The following KCNMA1 variants were observed in gnomAD, a reference collection of about 807,000 sequenced individuals.
The protein encoded by KCNMA1 is Calcium-activated potassium channel subunit alpha-1.
KCNMA1 carries 29 observed loss-of-function variants against 140.0 expected under a neutral mutation model. The ratio of observed to expected loss-of-function variants is 0.21; its 90% confidence interval spans 0.15 to 0.28. The LOEUF (loss-of-function observed/expected upper bound fraction) is 0.28, where lower values mean the gene tolerates loss of function less well. Among genes scored for constraint, KCNMA1 ranks in the 10% least tolerant of loss-of-function variants. The pLI, the probability that KCNMA1 is intolerant of heterozygous loss-of-function variation, is 1.00. For synonymous variants in KCNMA1, 612 were observed against 611.9 expected (o/e 1.00, Z 0.00); for missense variants, 880 against 1,602.2 (o/e 0.55, Z 7.70).
intron 1 of KCNMA1, among the ~76,000 whole-genome samples, chr10:77,419,540 C>T (rs888076612): frequency 2.6e-5 from 4 of 152,094 alleles, no homozygotes; most frequent in African/African-American, 4.8e-5. Flanking sequence ...AAAGGTGAGA[C>T]GCCAGCCAAG....
At chr10:76,982,606 G>A (rs1325382971) in intron 19 of KCNMA1, among the ~76,000 whole-genome samples, 1 of 152,106 alleles carries the variant, frequency 6.6e-6, no homozygotes, top group Non-Finnish European at 1.5e-5. Flanking sequence ...GTGTTTGAGG[G>A]CACAGTTGGA....
intron 2 of KCNMA1, among the ~76,000 whole-genome samples, chr10:77,295,902 T>C (rs1016259217): frequency 6.7e-6 from 1 of 149,612 alleles, no homozygotes; most frequent in Non-Finnish European, 1.5e-5. Flanking sequence ...TCAAACAAAT[T>C]AACTTTTTTT....
intron 20 of KCNMA1, among the ~76,000 whole-genome samples, chr10:76,969,582 C>T (rs1229082838): frequency 2.0e-5 from 3 of 152,158 alleles, no homozygotes; most frequent in Non-Finnish European, 4.4e-5. Flanking sequence ...AAACAGTCCT[C>T]GGAGGGACTC....
At chr10:77,305,222 G>A (rs2077408984) in intron 2 of KCNMA1, among the ~76,000 whole-genome samples, 1 of 152,126 alleles carries the variant, frequency 6.6e-6, no homozygotes, top group African/African-American at 2.4e-5. Context: ...TTGGGACCAG[G>A]TGCCCTGACT....
At chr10:77,371,521 C>T (rs758705573) in intron 2 of KCNMA1, among the ~76,000 whole-genome samples, 1 of 152,178 alleles carries the variant, frequency 6.6e-6, no homozygotes, top group Admixed American at 6.5e-5. Flanking sequence ...GATTTCACAA[C>T]AATGCAGATT....
At chr10:77,434,507 C>G (rs766026969) in intron 1 of KCNMA1, among the ~76,000 whole-genome samples, 1 of 152,156 alleles carries the variant, frequency 6.6e-6, no homozygotes, top group Non-Finnish European at 1.5e-5. Context: ...CCCCTATTAG[C>G]GTGATGCATG....
chr10:77,211,965 C>T (rs549940143), intron 3 of KCNMA1, among the ~76,000 whole-genome samples: 23 of 152,224 alleles, frequency 1.5e-4, no homozygotes, highest in African/African-American at 2.6e-4. Context: ...GGCAAGGCTG[C>T]GGAGAAAAGG....
intron 1 of KCNMA1, among the ~76,000 whole-genome samples, chr10:77,563,920 G>A (rs1447165469): frequency 3.9e-5 from 6 of 152,212 alleles, no homozygotes; most frequent in African/African-American, 1.4e-4. Flanking sequence ...GCAGACTGGG[G>A]CTTATCACAT....
intron 14 of KCNMA1, among the ~76,000 whole-genome samples, chr10:77,071,868 C>A (rs777679712): frequency 6.6e-6 from 1 of 152,158 alleles, no homozygotes; most frequent in African/African-American, 2.4e-5. Flanking sequence ...TTGGCAGGTA[C>A]GAAGGATAAG....
At chr10:77,604,346 G>A (rs2083645805) in intron 1 of KCNMA1, among the ~76,000 whole-genome samples, 1 of 152,132 alleles carries the variant, frequency 6.6e-6, no homozygotes, top group Non-Finnish European at 1.5e-5. Flanking sequence ...AACAGAAACT[G>A]AAAGAGAAGA....
chr10:77,165,322 C>T (rs1395667388), intron 5 of KCNMA1, among the ~76,000 whole-genome samples: 1 of 152,204 alleles, frequency 6.6e-6, no homozygotes, highest in Non-Finnish European at 1.5e-5. Context: ...TCAGTTCTGA[C>T]ACATTGAAGT....
At chr10:77,335,115 T>C (rs2088353621) in intron 2 of KCNMA1, among the ~76,000 whole-genome samples, 1 of 152,100 alleles carries the variant, frequency 6.6e-6, no homozygotes, top group Admixed American at 6.6e-5. Flanking sequence ...GAAAAGCCTC[T>C]CCCCTTCCCT....
chr10:77,118,857 C>G (rs2097537418), intron 6 of KCNMA1, among the ~76,000 whole-genome samples: 2 of 152,224 alleles, frequency 1.3e-5, no homozygotes, highest in African/African-American at 4.8e-5. Flanking sequence ...GCTGCTGATA[C>G]CAATGGGTGC....
rs572231035 is a variant in KCNMA1 at position 77,392,251 on chromosome 10, G to C, written c.540+11611C>G. On this transcript the variant is annotated intron_variant, in intron 2 of 27. Coordinates refer to ENST00000286628, the MANE Select transcript of KCNMA1 (RefSeq NM_001161352.2). ...AGAGGGAAAGAAGGAAGGGAGAGAG[G>C]GAAGGGAAGGGAGGGAAAGGAAGGG... Among the ~76,000 whole-genome samples the C allele has an allele frequency of 2.8e-4, 37 of 134,478 alleles. 1 individual carries two copies. The highest frequency in any genetic ancestry group is 2.5e-3 in the Admixed American group (34 of 13,632). 88.2% of individuals were successfully genotyped at this position (134,478 alleles called of 152,430 possible). A position where few individuals can be genotyped will look rare whatever the true frequency, so the allele number is the denominator to read the frequency against.
At chr10:77,246,638 G>A (rs1166777083) in intron 3 of KCNMA1, among the ~76,000 whole-genome samples, 2 of 152,182 alleles carry the variant, frequency 1.3e-5, no homozygotes, top group Non-Finnish European at 2.9e-5. Context: ...CAATCTTAAA[G>A]ATAGTTTTCC....
At chr10:76,978,215 G>A (rs2078279107) in intron 19 of KCNMA1, among the ~76,000 whole-genome samples, 1 of 152,140 alleles carries the variant, frequency 6.6e-6, no homozygotes, top group Non-Finnish European at 1.5e-5. Flanking sequence ...CCAAACTGAT[G>A]AGTTTGTAAT....
chr10:77,458,792 T>C lies in KCNMA1; in HGVS notation c.379-54769A>G, dbSNP rs112432526. Among the ~76,000 whole-genome samples, 1,287 of 152,290 alleles carry C rather than the reference T, an allele frequency of 8.5e-3. 19 individuals carry two copies. The highest frequency in any genetic ancestry group is 0.028 in the African/African-American group (1,178 of 41,548). ...TGGGGCAGAACCACCCTGTCCAACA[T>C]GGAAGGCACCAGCCACATTGAGCTA... On this transcript the variant is annotated intron_variant, in intron 1 of 27. Coordinates refer to ENST00000286628, the MANE Select transcript of KCNMA1 (RefSeq NM_001161352.2).
At chr10:77,456,905 C>T (rs79711126) in intron 1 of KCNMA1, among the ~76,000 whole-genome samples, 8 of 152,296 alleles carry the variant, frequency 5.3e-5, no homozygotes, top group South Asian at 2.1e-4. Flanking sequence ...TAGACACTGT[C>T]GCTATGGGTG....
chr10:77,008,173 C>T lies in KCNMA1; in HGVS notation c.2092+3794G>A, dbSNP rs755534329. 2.5e-5 allele frequency: 38 copies of T among 1,534,044 alleles called. No individual in the cohort carries two copies. The Middle Eastern group carries it at 5.0e-4, about 20-fold the overall frequency. ...ACTGGACTCCGGGCTGCTGGGAACC[C>T]GTTTTACTCACAATATATCACTACC... On this transcript the variant is annotated intron_variant, in intron 18 of 27. Coordinates refer to ENST00000286628, the MANE Select transcript of KCNMA1 (RefSeq NM_001161352.2).
Sources: gnomAD v4.1 joint callset for allele counts (sites outside exome capture counted in the v4.1 genomes callset) on GRCh38, gnomAD v4.1.1 for gene constraint, MANE v1.5 for transcripts, NCBI Gene and HGNC (gene_info 2026-07-23, HGNC 2026-07-21) for gene names.